Variants in PYM1 observed in about 807,000 individuals in gnomAD.
PYM1 encodes the protein PYM1 exon junction complex associated factor.
A neutral mutation model predicts 20.7 loss-of-function variants in PYM1; 7 were observed. That is an observed-to-expected ratio of 0.34 (90% CI 0.19 to 0.64). The LOEUF (loss-of-function observed/expected upper bound fraction) is 0.64, where lower values mean the gene tolerates loss of function less well. Ranked by LOEUF, PYM1 falls within the 30% of genes least tolerant of loss-of-function variation. PYM1 has a pLI of 0.74. For synonymous variants in PYM1, 100 were observed against 99.2 expected, an observed-to-expected ratio of 1.01 and a Z score of -0.05; for missense variants, 194 against 250.0, an observed-to-expected ratio of 0.78 and a Z score of 1.51.
chr12:55,902,774 T>C (rs1882717239), intron 2 of PYM1, among the ~76,000 whole-genome samples: 1 of 147,230 alleles, frequency 6.8e-6, no homozygotes, highest in South Asian at 2.2e-4. Flanking sequence ...TGCGCCTGCC[T>C]GTTTGTTTTT....
At chr12:55,910,450 GTTT>G (rs1408468375) in intron 1 of PYM1, among the ~76,000 whole-genome samples, 3 of 151,318 alleles carry the variant, frequency 2.0e-5, no homozygotes, top group Non-Finnish European at 4.4e-5. Context: ...GCTAATTACT[GTTT>G]TTGTTTTTTG....
intron 1 of PYM1, among the ~76,000 whole-genome samples, chr12:55,909,653 A>T (rs577309265): frequency 6.6e-6 from 1 of 152,228 alleles, no homozygotes; most frequent in East Asian, 1.9e-4. Context: ...CCTGGCATGA[A>T]GGGACAGAAT....
intron 1 of PYM1, chr12:55,927,497 GGCTC>G: frequency 1.5e-6 from 1 of 689,026 alleles, no homozygotes. Flanking sequence ...AGAATATCCA[GGCTC>G]TGGCCTGCAC....
intron 1 of PYM1, among the ~76,000 whole-genome samples, chr12:55,924,963 G>T (rs1178134618): frequency 6.6e-6 from 1 of 152,196 alleles, no homozygotes; most frequent in African/African-American, 2.4e-5. Context: ...GGGATTATAG[G>T]CGTGAGCCGC....
At chr12:55,902,480 G>T in intron 2 of PYM1, 125 bp from the exon 3 acceptor site, 2 of 1,380,972 alleles carry the variant, frequency 1.4e-6, no homozygotes, top group African/African-American at 1.5e-5. Context: ...TGTTTTTGTG[G>T]GGTTGTTTGT....
intron 1 of PYM1, among the ~76,000 whole-genome samples, chr12:55,916,842 G>A (rs1883016695): frequency 6.6e-6 from 1 of 152,084 alleles, no homozygotes; most frequent in Non-Finnish European, 1.5e-5. Context: ...TGGGCGTGGT[G>A]GTTCATGCCT....
rs561395704 is a variant in PYM1, at chr12:55,924,177, T to A, written c.37+3548A>T. Among the ~76,000 whole-genome samples the A allele has an allele frequency of 1.6e-3, 247 of 152,190 alleles. 2 individuals carry two copies. The highest frequency in any genetic ancestry group is 5.6e-3 in the African/African-American group (233 of 41,528). The stretch of plus-strand genomic sequence containing the variant: ...GTGATGGAAAAACTGATACTGGTTT[T>A]GGTCAGGTTGGATTTGAGGTATAAC... On this transcript the variant is annotated intron_variant, in intron 1 of 2. Coordinates refer to ENST00000408946, the MANE Select transcript of PYM1 (RefSeq NM_032345.3).
At position 55,901,871 on chromosome 12, in the gene PYM1, C is replaced by T; in HGVS notation, c.*1G>A. ...AGTCCATTCCCTATTCCCCAAAGGC[C>T]TCAGAGGCCTAACTCCAAGTCCTCT... On this transcript the variant is annotated 3_prime_UTR_variant, in exon 3 of 3. Coordinates refer to ENST00000408946, the MANE Select transcript of PYM1 (RefSeq NM_032345.3). 1 of 1,602,444 alleles carries T rather than the reference C, an allele frequency of 6.2e-7. No individual in the cohort carries two copies.
chr12:55,916,463 A>G (rs1883009215), intron 1 of PYM1, among the ~76,000 whole-genome samples: 1 of 152,130 alleles, frequency 6.6e-6, no homozygotes, highest in Non-Finnish European at 1.5e-5. Flanking sequence ...CAGTTTCACT[A>G]GAGGGTATGG....
intron 1 of PYM1, among the ~76,000 whole-genome samples, chr12:55,913,576 A>G (rs995534670): frequency 6.6e-6 from 1 of 152,222 alleles, no homozygotes; most frequent in African/African-American, 2.4e-5. Context: ...CTAAAGGTAG[A>G]GAAAATGAAA....
At chr12:55,911,286 T>G (rs1882918202) in intron 1 of PYM1, among the ~76,000 whole-genome samples, 1 of 151,712 alleles carries the variant, frequency 6.6e-6, no homozygotes, top group Non-Finnish European at 1.5e-5. Context: ...TTTTTATATA[T>G]TTTTAAGTAG....
intron 1 of PYM1, chr12:55,927,332 T>G: frequency 4.0e-6 from 3 of 757,336 alleles, no homozygotes; most frequent in Non-Finnish European, 6.9e-6. Flanking sequence ...ACTGAGCGCT[T>G]GCTGCCTGTA....
intron 1 of PYM1, chr12:55,914,231 G>C: frequency 1.4e-6 from 1 of 695,582 alleles, no homozygotes; most frequent in South Asian, 1.5e-5. Context: ...CATCCTGTGT[G>C]GAAGCCCTCA....
intron 1 of PYM1, among the ~76,000 whole-genome samples, chr12:55,920,650 G>GA (rs951776401): frequency 5.5e-5 from 8 of 144,600 alleles, no homozygotes; most frequent in South Asian, 2.2e-4. Context: ...AAAAAAAAAA[G>GA]AAAAAAAAAG....
intron 1 of PYM1, among the ~76,000 whole-genome samples, chr12:55,915,478 G>T (rs1299482514): frequency 1.3e-5 from 2 of 149,434 alleles, no homozygotes; most frequent in Non-Finnish European, 3.0e-5. Flanking sequence ...TGAGACAGGA[G>T]AATCACTTGA....
At chr12:55,907,463 CAAAAAAAAAAAA>C (rs770960966) in intron 1 of PYM1, among the ~76,000 whole-genome samples, 2 of 52,006 alleles carry the variant, frequency 3.8e-5, no homozygotes, top group African/African-American at 6.3e-5. Context: ...TACATAAATA[CAAAAAAAAAAAA>C]AAAAAAAAAT....
intron 1 of PYM1, among the ~76,000 whole-genome samples, chr12:55,912,480 A>C (rs1044321725): frequency 6.6e-6 from 1 of 152,172 alleles, no homozygotes; most frequent in African/African-American, 2.4e-5. Flanking sequence ...GCTACTTGGG[A>C]GGCTGAGGCA....
At position 55,901,774 on chromosome 12, in the gene PYM1, TG is replaced by T; in HGVS notation, c.*97del. The stretch of plus-strand genomic sequence containing the variant: ...CGCAGGAGGTGGAAGTAAGCCAGTA[TG>T]GGGGGTACCCCTCCTGACTGCTGTT... On this transcript the variant is annotated 3_prime_UTR_variant, in exon 3 of 3. Coordinates refer to ENST00000408946, the MANE Select transcript of PYM1 (RefSeq NM_032345.3). 3 of 1,490,386 alleles carry T rather than the reference TG, an allele frequency of 2.0e-6. No homozygotes were observed. Among genetic ancestry groups the T allele is most frequent in the African/African-American group, 1.4e-5 (1 of 71,296 alleles). The allele number at this position is 1,490,386 out of a possible 1,614,324, so 92.3% of individuals were successfully genotyped here.
At chr12:55,921,976 A>C (rs1009653790) in intron 1 of PYM1, among the ~76,000 whole-genome samples, 6 of 152,090 alleles carry the variant, frequency 3.9e-5, no homozygotes, top group African/African-American at 1.4e-4. Flanking sequence ...TCCCTGGCTC[A>C]ATCTTCCCCT....
Sources: allele counts gnomAD v4.1 joint callset (sites outside exome capture counted in the v4.1 genomes callset), GRCh38; gene constraint gnomAD v4.1.1; transcripts MANE v1.5; gene names NCBI Gene and HGNC (gene_info 2026-07-23, HGNC 2026-07-21).